The following CCDC170 variants were observed in gnomAD, a reference collection of about 807,000 sequenced individuals.
CCDC170 encodes the protein coiled-coil domain-containing protein 170.
Under a neutral mutation model 72.6 loss-of-function variants are expected in CCDC170, and 69 were observed. The observed-to-expected ratio is 0.95, with a 90% confidence interval of 0.78 to 1.16. The LOEUF (loss-of-function observed/expected upper bound fraction) is 1.16, where lower values mean the gene tolerates loss of function less well. CCDC170 is among the 50% of genes most tolerant of loss of function. CCDC170 has a pLI of 0.00. For synonymous variants in CCDC170, 300 were observed against 303.9 expected (o/e 0.99, Z 0.13); for missense variants, 852 against 832.5 (o/e 1.02, Z -0.29).
At chr6:151,546,686 C>T (rs990021358) in intron 4 of CCDC170, among the ~76,000 whole-genome samples, 3 of 152,156 alleles carry the variant, frequency 2.0e-5, no homozygotes, top group Non-Finnish European at 4.4e-5. Context: ...CAATAGCCAA[C>T]CCTAAGTCTG....
At chr6:151,529,579 C>A (rs998417289) in intron 1 of CCDC170, among the ~76,000 whole-genome samples, 2 of 152,120 alleles carry the variant, frequency 1.3e-5, no homozygotes, top group Non-Finnish European at 2.9e-5. Context: ...ATCGCTTGAA[C>A]CCGGGAGGCG....
intron 6 of CCDC170, among the ~76,000 whole-genome samples, chr6:151,581,014 C>G (rs1461537450): frequency 6.6e-6 from 1 of 152,170 alleles, no homozygotes; most frequent in Non-Finnish European, 1.5e-5. Flanking sequence ...GAAGTGCTAA[C>G]AATCATCTTA....
At chr6:151,586,350 G>T (rs1244667945) in intron 7 of CCDC170, among the ~76,000 whole-genome samples, 1 of 152,100 alleles carries the variant, frequency 6.6e-6, no homozygotes, top group South Asian at 2.1e-4. Flanking sequence ...CACAGTTCCT[G>T]ATCTTAAAGG....
chr6:151,529,644 A>C (rs1208942524), intron 1 of CCDC170, among the ~76,000 whole-genome samples: 1 of 152,132 alleles, frequency 6.6e-6, no homozygotes. Flanking sequence ...TGACAGAGCT[A>C]GGCTCTGTCT....
chr6:151,494,055 C>A lies in CCDC170; in HGVS notation c.-74C>A. 2 of 1,383,768 alleles carry A rather than the reference C, an allele frequency of 1.4e-6. No homozygotes were observed. The highest frequency in any genetic ancestry group is 1.9e-6 in the Non-Finnish European group (2 of 1,064,442). The allele number at this position is 1,383,768 out of a possible 1,614,324, so 85.7% of individuals were successfully genotyped here. A position where few individuals can be genotyped will look rare whatever the true frequency, so the allele number is the denominator to read the frequency against. On this transcript the variant is annotated 5_prime_UTR_variant, in exon 1 of 11. Coordinates refer to ENST00000239374, the MANE Select transcript of CCDC170 (RefSeq NM_025059.4). ...GTTGCCCGAGGAGACACCCGCGCCA[C>A]CCGCCGGCTCCCGGCGCCGCCGCTT... is the stretch of plus-strand genomic sequence containing the variant.
At chr6:151,509,207 C>CATCTATCTATCT (rs530675671) in intron 1 of CCDC170, among the ~76,000 whole-genome samples, 2 of 141,818 alleles carry the variant, frequency 1.4e-5, no homozygotes, top group East Asian at 4.2e-4. Flanking sequence ...CTCTCTGTCT[C>CATCTATCTATCT]ATCTATCTAT....
rs538412076 is a variant in CCDC170 at position 151,585,331 on chromosome 6, A to G, written c.1093-558A>G. Among the ~76,000 whole-genome samples the G allele has an allele frequency of 3.3e-5, 5 of 152,354 alleles. No individual in the cohort carries two copies. In the East Asian group the frequency reaches 7.7e-4, roughly 23 times the overall value. ...TCCAATGCAAAAATGGTATTACTCT[A>G]TAACTATGTAGTGTAGAGTCAGCAT... On this transcript the variant is annotated intron_variant, in intron 6 of 10. Coordinates refer to ENST00000239374, the MANE Select transcript of CCDC170 (RefSeq NM_025059.4).
chr6:151,526,393 T>G (rs956442391), intron 1 of CCDC170, among the ~76,000 whole-genome samples: 1 of 151,852 alleles, frequency 6.6e-6, no homozygotes, highest in Admixed American at 6.6e-5. Context: ...AGCTAATTTT[T>G]GTATTTTTTG....
intron 1 of CCDC170, among the ~76,000 whole-genome samples, chr6:151,523,217 T>C (rs1441209309): frequency 6.6e-6 from 1 of 152,056 alleles, no homozygotes; most frequent in Non-Finnish European, 1.5e-5. Context: ...AAGAAATGGG[T>C]CCTAGAAATG....
intron 4 of CCDC170, among the ~76,000 whole-genome samples, chr6:151,547,495 TC>T (rs1782794624): frequency 6.6e-6 from 1 of 151,724 alleles, no homozygotes; most frequent in Non-Finnish European, 1.5e-5. Context: ...AGGAGAGAGA[TC>T]ATGCAAATGT....
chr6:151,508,611 G>A (rs1325542903), intron 1 of CCDC170, among the ~76,000 whole-genome samples: 1 of 152,104 alleles, frequency 6.6e-6, no homozygotes, highest in Non-Finnish European at 1.5e-5. Context: ...TACTCAGGAG[G>A]CTGAAGCACA....
At chr6:151,571,380 C>T (rs910433241) in intron 5 of CCDC170, among the ~76,000 whole-genome samples, 2 of 151,796 alleles carry the variant, frequency 1.3e-5, no homozygotes, top group Non-Finnish European at 2.9e-5. Context: ...GTTAACACGC[C>T]GCTTAATATT....
At chr6:151,515,234 C>T (rs972708367) in intron 1 of CCDC170, among the ~76,000 whole-genome samples, 14 of 152,232 alleles carry the variant, frequency 9.2e-5, no homozygotes, top group South Asian at 2.1e-4. Context: ...ATTGGCATTA[C>T]GCCATTAGAT....
At chr6:151,539,656 A>G (rs1191401623) in intron 3 of CCDC170, among the ~76,000 whole-genome samples, 3 of 152,154 alleles carry the variant, frequency 2.0e-5, no homozygotes, top group Admixed American at 2.0e-4. Flanking sequence ...TTAAGAATCT[A>G]AATGCTGGTG....
intron 9 of CCDC170, among the ~76,000 whole-genome samples, chr6:151,603,096 C>T (rs1347310554): frequency 6.6e-6 from 1 of 152,154 alleles, no homozygotes; most frequent in East Asian, 1.9e-4. Flanking sequence ...ACAACATGCC[C>T]AGCTGGGTAT....
chr6:151,544,545 C>A, intron 3 of CCDC170, 27 bp from the exon 4 acceptor site: 4 of 1,595,484 alleles, frequency 2.5e-6, no homozygotes, highest in Non-Finnish European at 3.4e-6. Flanking sequence ...GTGTTAAATT[C>A]TGACTTATTT....
At chr6:151,541,883 TATA>T (rs377766798) in intron 3 of CCDC170, among the ~76,000 whole-genome samples, 153 of 137,012 alleles carry the variant, frequency 1.1e-3, no homozygotes, top group African/African-American at 3.9e-3. Context: ...TATATATATA[TATA>T]TTTTTTTTTT....
rs1383356720 is a variant in CCDC170, at chr6:151,548,410, T to A, written c.695T>A (p.Ile232Asn). 8 of 1,613,054 alleles carry A rather than the reference T, an allele frequency of 5.0e-6. No homozygotes were observed. The East Asian group carries it at 1.6e-4, about 31-fold the overall frequency. Residue 232 changes from isoleucine to asparagine, a missense_variant, in exon 5 of 11, where the codon ATC becomes AAC. Coordinates refer to ENST00000239374, the MANE Select transcript of CCDC170 (RefSeq NM_025059.4). ...EMEAKASRET[I>N]MRLASEVNRE... ...GAAGCAAAAGCTAGCAGAGAAACGA[T>A]CATGAGGCTGGCTTCAGAAGTCAAC...
intron 6 of CCDC170, among the ~76,000 whole-genome samples, chr6:151,574,612 C>T (rs976999904): frequency 3.3e-5 from 5 of 152,094 alleles, no homozygotes; most frequent in South Asian, 2.1e-4. Flanking sequence ...GCTAAGCCCG[C>T]GAGCAACAGT....
Sources: allele counts gnomAD v4.1 joint callset (sites outside exome capture counted in the v4.1 genomes callset), GRCh38; gene constraint gnomAD v4.1.1; transcripts MANE v1.5; gene names NCBI Gene and HGNC (gene_info 2026-07-23, HGNC 2026-07-21).